The following ANK3 variants were observed in gnomAD, a reference collection of about 807,000 sequenced individuals.
ANK3 encodes ankyrin 3.
In ANK3, 57 loss-of-function variants were observed where a neutral mutation model predicts 370.9. The observed-to-expected ratio is 0.15, with a 90% CI of 0.12 to 0.19. ANK3 has a LOEUF of 0.19. Ranked by LOEUF, ANK3 falls within the 10% of genes least tolerant of loss-of-function variation. ANK3 has a pLI of 1.00. For missense variants in ANK3, 4,439 were observed against 5,302.1 expected, an observed-to-expected ratio of 0.84 and a Z score of 5.06; for synonymous variants, 1,929 against 1,946.3, an observed-to-expected ratio of 0.99 and a Z score of 0.23.
At chr10:60,254,909 C>A (rs1360917936) in intron 7 of ANK3, among the ~76,000 whole-genome samples, 1 of 152,074 alleles carries the variant, frequency 6.6e-6, no homozygotes, top group Non-Finnish European at 1.5e-5. Flanking sequence ...TTTTTGAATT[C>A]AATAAATATA....
chr10:60,688,935 G>T (rs1361916112), intron 1 of ANK3, among the ~76,000 whole-genome samples: 2 of 148,566 alleles, frequency 1.3e-5, no homozygotes, highest in Non-Finnish European at 3.0e-5. Context: ...GCGACAGAGT[G>T]AGACTCCGTT....
intron 2 of ANK3, among the ~76,000 whole-genome samples, chr10:60,439,665 C>T (rs146949785): frequency 2.4e-3 from 371 of 152,288 alleles, no homozygotes; most frequent in African/African-American, 8.3e-3. Flanking sequence ...CACGCAAACA[C>T]TAGATGGAGG....
chr10:60,209,873 T>C (rs538654307), intron 9 of ANK3, among the ~76,000 whole-genome samples: 1 of 152,256 alleles, frequency 6.6e-6, no homozygotes, highest in East Asian at 1.9e-4. Flanking sequence ...AAAAAAATTC[T>C]CTAGCAATGC....
chr10:60,299,522 C>T (rs1203530536), intron 1 of ANK3, among the ~76,000 whole-genome samples: 1 of 152,136 alleles, frequency 6.6e-6, no homozygotes, highest in African/African-American at 2.4e-5. Flanking sequence ...GTTAGATACA[C>T]TGATGTTAAC....
chr10:60,341,853 C>T (rs1434818653), intron 1 of ANK3, among the ~76,000 whole-genome samples: 3 of 152,030 alleles, frequency 2.0e-5, no homozygotes, highest in African/African-American at 7.2e-5. Flanking sequence ...TCACAAGAGG[C>T]ATAGGTTTTT....
chr10:60,680,260 C>T (rs921872476), intron 1 of ANK3, among the ~76,000 whole-genome samples: 5 of 152,276 alleles, frequency 3.3e-5, no homozygotes, highest in African/African-American at 1.2e-4. Flanking sequence ...TCTAAGGAGA[C>T]AAGAATTGAG....
At position 60,071,032 on chromosome 10, in the gene ANK3, T is replaced by C. The variant is rs1270580219; in HGVS notation, c.9849A>G (p.Glu3283=). The C allele has an allele frequency of 6.2e-7, 1 of 1,614,178 alleles. No individual in the cohort carries two copies. Among genetic ancestry groups the C allele is most frequent in the East Asian group, 2.2e-5 (1 of 44,888 alleles). ...YLPEKEVDMI[E]VNLQDEHDKY... is the part of the protein sequence containing the mutation. ...TGTCATGCTCATCTTGCAGATTGAC[T>C]TCAATCATGTCAACCTCTTTTTCTG... Residue 3283 remains glutamate (E), a synonymous_variant, in exon 37 of 44, where the codon GAA becomes GAG. Coordinates refer to ENST00000280772, the MANE Select transcript of ANK3 (RefSeq NM_020987.5).
intron 36 of ANK3, among the ~76,000 whole-genome samples, chr10:60,077,580 G>C (rs4948251): frequency 0.99 from 151,306 of 152,346 alleles, 75,141 homozygotes; most frequent in Middle Eastern, 1. Flanking sequence ...GTTATAAAAT[G>C]ACCTGCAACT....
intron 25 of ANK3, among the ~76,000 whole-genome samples, chr10:60,116,929 T>C (rs185295807): frequency 6.6e-6 from 1 of 152,306 alleles, no homozygotes; most frequent in Admixed American, 6.5e-5. Context: ...TCGTAACATT[T>C]CAGAATTCGG....
chr10:60,254,129 C>T (rs2097704088), intron 7 of ANK3, among the ~76,000 whole-genome samples: 1 of 152,024 alleles, frequency 6.6e-6, no homozygotes, highest in African/African-American at 2.4e-5. Flanking sequence ...TTTAAATGAT[C>T]TCTAGATTTA....
intron 1 of ANK3, among the ~76,000 whole-genome samples, chr10:60,372,453 AAGCAGC>A (rs2132790516): frequency 6.6e-6 from 1 of 152,296 alleles, no homozygotes; most frequent in South Asian, 2.1e-4. Flanking sequence ...ACTTGAAGAG[AAGCAGC>A]AGCACCAACA....
intron 1 of ANK3, among the ~76,000 whole-genome samples, chr10:60,354,258 A>T (rs2057388728): frequency 6.6e-6 from 1 of 152,100 alleles, no homozygotes. Context: ...TTTAAGTCTG[A>T]GTGCTTCCCA....
chr10:60,070,947 C>G lies in ANK3; in HGVS notation c.9934G>C (p.Ala3312Pro). The G allele has an allele frequency of 6.2e-7, 1 of 1,614,072 alleles. No homozygotes were observed. The highest frequency in any genetic ancestry group is 8.5e-7 in the Non-Finnish European group (1 of 1,179,978). ...TCATCGCTTGAATCACTGACGTCTG[C>G]CCCGGGAGGAACTGGTGAAGGTGGC... is the stretch of plus-strand genomic sequence containing the variant. ...VQPPSPVPPG[A>P]DVSDSSDDES... Residue 3312 changes from alanine (A) to proline (P), a missense_variant, in exon 37 of 44, where the codon GCA (alanine) becomes CCA (proline). Ala to Pro is a conservative substitution (Grantham distance 27, BLOSUM62 -1). Coordinates refer to ENST00000280772, the MANE Select transcript of ANK3 (RefSeq NM_020987.5). The surrounding 1 kb of genome is among the most constrained non-coding windows in gnomAD (Gnocchi z 5.7).
rs114894411 is a variant in ANK3 at position 60,543,287 on chromosome 10, C to A, written c.96+71899G>T. Reference sequence around the variant, plus strand: ...ATAAATTTAGAGTATACATCTTTTGCCCCTAGATTCCTGTTTCTAGGAATG... The same window carrying A: ...ATAAATTTAGAGTATACATCTTTTGACCCTAGATTCCTGTTTCTAGGAATG... On this transcript the variant is annotated intron_variant, in intron 2 of 43. Coordinates refer to the ANK3 transcript ENST00000373827. Among the ~76,000 whole-genome samples the A allele has an allele frequency of 2.1e-3, 315 of 151,922 alleles. 1 individual carries two copies. The highest frequency in any genetic ancestry group is 7.2e-3 in the African/African-American group (298 of 41,448).
intron 2 of ANK3, among the ~76,000 whole-genome samples, chr10:60,490,970 G>T (rs1047563634): frequency 6.6e-6 from 1 of 152,108 alleles, no homozygotes; most frequent in African/African-American, 2.4e-5. Flanking sequence ...CCACTGATCT[G>T]ATTTATAGAA....
chr10:60,200,008 A>C (rs2096648327), intron 13 of ANK3, 121 bp downstream of exon 13: 1 of 693,994 alleles, frequency 1.4e-6, no homozygotes. Flanking sequence ...GACTTTTATC[A>C]TTGGAGGTTT....
intron 1 of ANK3, among the ~76,000 whole-genome samples, chr10:60,710,865 A>C (rs1057004039): frequency 6.6e-6 from 1 of 152,204 alleles, no homozygotes; most frequent in Non-Finnish European, 1.5e-5. Context: ...GGACAGGGGA[A>C]GGTTGATGTT....
intron 23 of ANK3, chr10:60,144,103 C>G: frequency 3.0e-6 from 1 of 330,956 alleles, no homozygotes; most frequent in Non-Finnish European, 5.8e-6. Flanking sequence ...CAGCTGCTGA[C>G]TGCAATCTCA....
intron 1 of ANK3, among the ~76,000 whole-genome samples, chr10:60,307,159 GT>G (rs2045324293): frequency 6.6e-6 from 1 of 152,176 alleles, no homozygotes; most frequent in African/African-American, 2.4e-5. Context: ...ATGGTCATTT[GT>G]TTACAAATTG....
Sources: gnomAD v4.1 joint callset for allele counts (sites outside exome capture counted in the v4.1 genomes callset) on GRCh38, gnomAD v4.1.1 for gene constraint, Gnocchi (gnomAD v3.1) non-coding constraint, MANE v1.5 for transcripts, NCBI Gene and HGNC (gene_info 2026-07-23, HGNC 2026-07-21) for gene names.